Variants in ZCCHC24 observed in about 807,000 individuals in gnomAD.
ZCCHC24 encodes the protein zinc finger CCHC domain-containing protein 24.
A neutral mutation model predicts 26.2 loss-of-function variants in ZCCHC24; 10 were observed. The observed-to-expected ratio is 0.38, with a 90% CI of 0.24 to 0.65. The LOEUF (loss-of-function observed/expected upper bound fraction) is 0.65, where lower values mean the gene tolerates loss of function less well. ZCCHC24 is among the 30% of genes least tolerant of loss of function. ZCCHC24 has a pLI of 0.54. For missense variants in ZCCHC24, 243 were observed against 329.1 expected, an observed-to-expected ratio of 0.74 and a Z score of 2.03; for synonymous variants, 144 against 147.1, an observed-to-expected ratio of 0.98 and a Z score of 0.15.
chr10:79,420,335 G>A (rs1265035174), intron 2 of ZCCHC24, among the ~76,000 whole-genome samples: 1 of 152,092 alleles, frequency 6.6e-6, no homozygotes. Flanking sequence ...CCTCTCTGCA[G>A]CCCCTCCCAG....
intron 2 of ZCCHC24, among the ~76,000 whole-genome samples, chr10:79,416,197 C>T (rs114411836): frequency 0.012 from 1,887 of 152,232 alleles, 46 homozygotes; most frequent in African/African-American, 0.043. Context: ...AAGACCTACA[C>T]GGCAGCCTAG....
intron 2 of ZCCHC24, among the ~76,000 whole-genome samples, chr10:79,400,304 A>G (rs1856611765): frequency 6.6e-6 from 1 of 152,268 alleles, no homozygotes. Flanking sequence ...AGTTAGGACA[A>G]TGTAAATCTG....
intron 3 of ZCCHC24, among the ~76,000 whole-genome samples, chr10:79,387,834 A>T (rs1242410552): frequency 6.6e-6 from 1 of 152,168 alleles, no homozygotes; most frequent in Non-Finnish European, 1.5e-5. Flanking sequence ...GCAGGTGGGG[A>T]GACTGTGGTG....
chr10:79,432,704 T>G lies in ZCCHC24; in HGVS notation c.301A>C (p.Ile101Leu). 6.2e-7 allele frequency: 1 copy of G among 1,609,206 alleles called. No individual in the cohort carries two copies. The highest frequency in any genetic ancestry group is 8.5e-7 in the Non-Finnish European group (1 of 1,178,334). Residue 101 changes from isoleucine to leucine, a missense_variant, in exon 2 of 4, where the codon ATC becomes CTC. Physicochemically the swap from Ile to Leu is conservative, Grantham distance 5 (BLOSUM62 2). Coordinates refer to ENST00000372336, the MANE Select transcript of ZCCHC24 (RefSeq NM_153367.4). ...GTGAGGGAGCTGAGGCCATCGGCGATGTTGTTGAGGGAGCCATAGGGTGAG... is the reference window on the plus strand; with the variant it reads ...GTGAGGGAGCTGAGGCCATCGGCGAGGTTGTTGAGGGAGCCATAGGGTGAG... ...GASPYGSLNNIADGLSSLTEH... is the reference protein window; with the variant it reads ...GASPYGSLNNLADGLSSLTEH...
At chr10:79,419,013 G>C (rs553398582) in intron 2 of ZCCHC24, among the ~76,000 whole-genome samples, 151 of 152,346 alleles carry the variant, frequency 9.9e-4, no homozygotes, top group African/African-American at 3.4e-3. Flanking sequence ...AGCCCAAGGG[G>C]TGTGTGCATG....
At chr10:79,421,450 TCCTCCCTC>T (rs954029785) in intron 2 of ZCCHC24, among the ~76,000 whole-genome samples, 2 of 142,610 alleles carry the variant, frequency 1.4e-5, no homozygotes, top group Non-Finnish European at 3.1e-5. Context: ...CTCCCTCCCT[TCCTCCCTC>T]CCTCCCTTCT....
chr10:79,426,196 C>T (rs1923361), intron 2 of ZCCHC24, among the ~76,000 whole-genome samples: 37,671 of 152,154 alleles, frequency 0.25, 4,950 homozygotes, highest in East Asian at 0.52. Context: ...CCCTGGCTCC[C>T]GTGGCAGTGA....
intron 3 of ZCCHC24, among the ~76,000 whole-genome samples, 196 bp from the exon 4 acceptor site, chr10:79,386,654 G>C (rs1369319961): frequency 6.6e-6 from 1 of 152,158 alleles, no homozygotes; most frequent in Non-Finnish European, 1.5e-5. Context: ...CCGATGAGGG[G>C]TGGGGAGAGG....
chr10:79,387,542 A>C (rs926738706), intron 3 of ZCCHC24, among the ~76,000 whole-genome samples: 5 of 152,114 alleles, frequency 3.3e-5, no homozygotes, highest in Non-Finnish European at 7.4e-5. Flanking sequence ...GTTCAGCTGG[A>C]GCCCCTGCCT....
intron 1 of ZCCHC24, among the ~76,000 whole-genome samples, chr10:79,436,282 C>T (rs1344313374): frequency 2.0e-5 from 3 of 152,336 alleles, no homozygotes; most frequent in Admixed American, 2.0e-4. Flanking sequence ...CCATCCAGAA[C>T]CCCTCCAGGG....
intron 2 of ZCCHC24, among the ~76,000 whole-genome samples, chr10:79,396,255 T>A (rs978711093): frequency 6.6e-6 from 1 of 152,256 alleles, no homozygotes; most frequent in Non-Finnish European, 1.5e-5. Flanking sequence ...ATTTATTAGA[T>A]GATAGACACT....
intron 1 of ZCCHC24, among the ~76,000 whole-genome samples, chr10:79,439,741 G>A (rs1168619074): frequency 6.7e-6 from 1 of 148,338 alleles, no homozygotes; most frequent in African/African-American, 2.5e-5. Flanking sequence ...GTTGCAGTGA[G>A]CAGAGATTGT....
intron 2 of ZCCHC24, among the ~76,000 whole-genome samples, chr10:79,403,176 G>A (rs1856661084): frequency 6.6e-6 from 1 of 152,198 alleles, no homozygotes; most frequent in Non-Finnish European, 1.5e-5. Context: ...TTGGATTCAC[G>A]CCCTCAGGCA....
chr10:79,399,804 G>C (rs1183789985), intron 2 of ZCCHC24, among the ~76,000 whole-genome samples: 1 of 152,250 alleles, frequency 6.6e-6, no homozygotes, highest in Non-Finnish European at 1.5e-5. Flanking sequence ...CTTCGGAAGA[G>C]ATGTGGAGGA....
chr10:79,444,761 A>G (rs150305268), intron 1 of ZCCHC24, among the ~76,000 whole-genome samples: 1 of 152,326 alleles, frequency 6.6e-6, no homozygotes, highest in East Asian at 1.9e-4. Flanking sequence ...TCCGAGCAGA[A>G]TCTGCACTCT....
intron 3 of ZCCHC24, among the ~76,000 whole-genome samples, chr10:79,394,013 T>A (rs1206465824): frequency 6.6e-6 from 1 of 152,222 alleles, no homozygotes; most frequent in African/African-American, 2.4e-5. Context: ...TGCTGCTTCC[T>A]GCTGTCCGCA....
intron 2 of ZCCHC24, among the ~76,000 whole-genome samples, chr10:79,402,466 G>A (rs905900293): frequency 4.6e-5 from 7 of 152,070 alleles, no homozygotes; most frequent in Admixed American, 6.5e-5. Context: ...TAGTAGAGAC[G>A]GGGTTTCACT....
chr10:79,428,382 T>G, intron 2 of ZCCHC24, among the ~76,000 whole-genome samples: 1 of 149,768 alleles, frequency 6.7e-6, no homozygotes, highest in Non-Finnish European at 1.5e-5. Context: ...TATTATGCAA[T>G]GGGTACAGTA....
intron 3 of ZCCHC24, among the ~76,000 whole-genome samples, chr10:79,390,448 G>A (rs1407447151): frequency 6.6e-6 from 1 of 152,212 alleles, no homozygotes; most frequent in Non-Finnish European, 1.5e-5. Flanking sequence ...GGGCAGCATG[G>A]GGGCAGGGGA....
Sources: allele counts gnomAD v4.1 joint callset (sites outside exome capture counted in the v4.1 genomes callset), GRCh38; gene constraint gnomAD v4.1.1; transcripts MANE v1.5; gene names NCBI Gene and HGNC (gene_info 2026-07-23, HGNC 2026-07-21).